SORBS2: variants seen among roughly 807,000 people sequenced by gnomAD.
SORBS2 encodes sorbin and SH3 domain-containing protein 2.
A neutral mutation model predicts 97.7 loss-of-function variants in SORBS2; 46 were observed. The observed-to-expected ratio is 0.47, with a 90% CI of 0.37 to 0.60. The LOEUF is 0.60. Ranked by LOEUF, SORBS2 falls within the 20% of genes least tolerant of loss-of-function variation. The pLI is 0.00. For synonymous variants in SORBS2, 476 were observed against 473.4 expected, an observed-to-expected ratio of 1.01 and a Z score of -0.07; for missense variants, 1,316 against 1,282.3, an observed-to-expected ratio of 1.03 and a Z score of -0.40.
intron 1 of SORBS2, chr4:185,656,558 G>T: frequency 7.7e-7 from 1 of 1,305,220 alleles, no homozygotes. Flanking sequence ...CTTTACATGG[G>T]TCTTGCTGCA....
intron 2 of SORBS2, among the ~76,000 whole-genome samples, chr4:185,719,063 T>C (rs1286093043): frequency 6.8e-6 from 1 of 146,506 alleles, no homozygotes; most frequent in African/African-American, 2.4e-5. Flanking sequence ...AATTCTAAAA[T>C]AGAATCTGGT....
chr4:185,708,878 T>C (rs964291356), intron 2 of SORBS2, among the ~76,000 whole-genome samples: 1 of 152,274 alleles, frequency 6.6e-6, no homozygotes, highest in Non-Finnish European at 1.5e-5. Flanking sequence ...ATGACTTTTA[T>C]AATCTACTAC....
rs143599977 is a variant in SORBS2 at position 185,857,124 on chromosome 4, G to A, written c.-337-81758C>T. 2.4e-3 allele frequency among the ~76,000 whole-genome samples: 372 copies of A among 152,298 alleles called. 1 individual carries two copies. Among genetic ancestry groups the A allele is most frequent in the African/African-American group, 8.6e-3 (358 of 41,570 alleles). On this transcript the variant is annotated intron_variant, in intron 1 of 20. Coordinates refer to the SORBS2 transcript ENST00000284776. The stretch of plus-strand genomic sequence containing the variant: ...TATGGGGCTCCCATGATGATGGACT[G>A]GTGGCTGTTGCAGGAAGTCAGGGAC...
intron 1 of SORBS2, among the ~76,000 whole-genome samples, chr4:185,822,827 G>A (rs1239671423): frequency 6.6e-6 from 1 of 152,180 alleles, no homozygotes; most frequent in South Asian, 2.1e-4. Context: ...TTCTGAGAAC[G>A]CCGGGAGTAT....
intron 2 of SORBS2, among the ~76,000 whole-genome samples, chr4:185,742,489 C>T (rs1048770334): frequency 2.0e-5 from 3 of 152,198 alleles, no homozygotes; most frequent in Admixed American, 6.5e-5. Context: ...CCCAGACATA[C>T]GGATCCAGAA....
intron 1 of SORBS2, among the ~76,000 whole-genome samples, chr4:185,898,400 G>C (rs139837222): frequency 6.6e-6 from 1 of 152,310 alleles, no homozygotes; most frequent in Non-Finnish European, 1.5e-5. Context: ...CTAGCACCAT[G>C]TCTGTAAGGA....
intron 4 of SORBS2, among the ~76,000 whole-genome samples, chr4:185,635,614 G>A (rs2096983179): frequency 6.6e-6 from 1 of 152,158 alleles, no homozygotes; most frequent in South Asian, 2.1e-4. Flanking sequence ...ATATTCTCAA[G>A]CACTGGGAAA....
At chr4:185,857,673 T>A (rs970955599) in intron 1 of SORBS2, among the ~76,000 whole-genome samples, 2 of 152,150 alleles carry the variant, frequency 1.3e-5, no homozygotes, top group Admixed American at 6.5e-5. Flanking sequence ...CAGCAAGGAA[T>A]AACCATGGGG....
intron 1 of SORBS2, among the ~76,000 whole-genome samples, chr4:185,809,359 G>A (rs547239154): frequency 7.4e-5 from 11 of 149,128 alleles, no homozygotes; most frequent in Non-Finnish European, 1.3e-4. Context: ...GGGACAGTGA[G>A]GGGGGATGTC....
At chr4:185,822,180 A>G (rs6829313) in intron 1 of SORBS2, among the ~76,000 whole-genome samples, 151,532 of 152,362 alleles carry the variant, frequency 0.99, 75,365 homozygotes, top group Middle Eastern at 1. Context: ...CACCTGCAGT[A>G]TTCAGCTCTT....
At chr4:185,843,807 T>C (rs924348206) in intron 1 of SORBS2, among the ~76,000 whole-genome samples, 8 of 152,208 alleles carry the variant, frequency 5.3e-5, no homozygotes, top group African/African-American at 1.9e-4. Context: ...GTGCAATAAA[T>C]CCCAATTAAA....
At chr4:185,624,146 G>T in exon 7 of SORBS2, 1 of 1,614,220 alleles carries the variant, frequency 6.2e-7, no homozygotes, top group Non-Finnish European at 8.5e-7. Context: ...GACGTAGGGG[G>T]ACCCCCACGC....
chr4:185,953,770 C>A (rs770910041), intron 1 of SORBS2, among the ~76,000 whole-genome samples: 3 of 152,176 alleles, frequency 2.0e-5, no homozygotes, highest in Non-Finnish European at 4.4e-5. Context: ...TATAATTACA[C>A]CCTTCTTATA....
chr4:185,944,525 G>T (rs1286336320), intron 1 of SORBS2, among the ~76,000 whole-genome samples: 1 of 152,202 alleles, frequency 6.6e-6, no homozygotes, highest in Non-Finnish European at 1.5e-5. Flanking sequence ...GATCTGAAAT[G>T]CATAGTGCAG....
rs1476980555 is a variant in SORBS2 at position 185,828,396 on chromosome 4, G to A, written c.-337-53030C>T. On this transcript the variant is annotated intron_variant, in intron 1 of 20. Coordinates refer to the SORBS2 transcript ENST00000284776. ...GAGCCCTCAGCAATGCACACTCTGG[G>A]AGCTGGGTGAGTGGACACCTTAGTT... is the stretch of plus-strand genomic sequence containing the variant. Among the ~76,000 whole-genome samples the A allele has an allele frequency of 2.0e-5, 3 of 152,178 alleles. No homozygotes were observed. The South Asian group carries it at 6.2e-4, about 32-fold the overall frequency.
chr4:185,626,566 G>A (rs1350437025), intron 6 of SORBS2, among the ~76,000 whole-genome samples: 1 of 152,084 alleles, frequency 6.6e-6, no homozygotes. Flanking sequence ...TACATTATTT[G>A]ATACTTTCAA....
chr4:185,755,541 A>G (rs557966816), intron 2 of SORBS2, among the ~76,000 whole-genome samples: 2 of 152,370 alleles, frequency 1.3e-5, no homozygotes, highest in South Asian at 4.1e-4. Flanking sequence ...TGGTATAAAT[A>G]TCAGATCCTG....
chr4:185,734,557 T>A (rs2098669772), intron 2 of SORBS2, among the ~76,000 whole-genome samples: 1 of 152,084 alleles, frequency 6.6e-6, no homozygotes. Context: ...GTGTGGCCAC[T>A]GGTCAGCATT....
chr4:185,786,423 A>T (rs2099056563), intron 1 of SORBS2, among the ~76,000 whole-genome samples: 1 of 152,250 alleles, frequency 6.6e-6, no homozygotes. Context: ...GGGGAGGAGC[A>T]GAGTTATAAT....
Sources: allele counts gnomAD v4.1 joint callset (sites outside exome capture counted in the v4.1 genomes callset), GRCh38; gene constraint gnomAD v4.1.1; transcripts MANE v1.5; gene names NCBI Gene and HGNC (gene_info 2026-07-23, HGNC 2026-07-21).